Variants in LRRC28 observed in about 807,000 individuals in gnomAD.
LRRC28 encodes leucine-rich repeat-containing protein 28.
In LRRC28, 39 loss-of-function variants were observed where a neutral mutation model predicts 45.7. That is an observed-to-expected ratio of 0.85 (90% CI 0.66 to 1.12). LRRC28 has a LOEUF of 1.12. LRRC28 is among the 50% of genes most tolerant of loss of function. The pLI is 0.00. For missense variants in LRRC28, 435 were observed against 438.5 expected, an observed-to-expected ratio of 0.99 and a Z score of 0.07; for synonymous variants, 206 against 178.8, an observed-to-expected ratio of 1.15 and a Z score of -1.22.
At chr15:99,349,476 A>T (rs560030593) in intron 6 of LRRC28, among the ~76,000 whole-genome samples, 1 of 152,246 alleles carries the variant, frequency 6.6e-6, no homozygotes, top group African/African-American at 2.4e-5. Context: ...GAAACCATGT[A>T]AACACTAGAA....
At chr15:99,251,900 A>G (rs2080812084) in intron 1 of LRRC28, 1 of 152,166 alleles carries the variant, frequency 6.6e-6, no homozygotes, top group African/African-American at 2.4e-5. Context: ...CCTTTTACAA[A>G]TGCTTTTAAT....
intron 9 of LRRC28, among the ~76,000 whole-genome samples, chr15:99,377,655 C>A (rs568168105): frequency 8.7e-4 from 132 of 152,176 alleles, no homozygotes; most frequent in African/African-American, 3.0e-3. Context: ...AGGTTTTCTT[C>A]TAGGGTTTTT....
intron 5 of LRRC28, among the ~76,000 whole-genome samples, chr15:99,316,602 G>C (rs1052254384): frequency 6.6e-6 from 1 of 152,034 alleles, no homozygotes; most frequent in Non-Finnish European, 1.5e-5. Context: ...ATGTGCCATA[G>C]GGGGCTGAAG....
chr15:99,284,425 TA>T (rs2081900204), intron 3 of LRRC28, among the ~76,000 whole-genome samples: 1 of 152,222 alleles, frequency 6.6e-6, no homozygotes, highest in Non-Finnish European at 1.5e-5. Context: ...ACTAAAATAA[TA>T]CAGTTATTCA....
intron 4 of LRRC28, 23 bp from the exon 5 acceptor site, chr15:99,287,791 G>C (rs2081997574): frequency 1.3e-6 from 2 of 1,578,960 alleles, no homozygotes; most frequent in Non-Finnish European, 8.6e-7. Flanking sequence ...AATTCATTTT[G>C]CCTTCTCCTT....
chr15:99,325,956 AGAC>A (rs1955960512), intron 5 of LRRC28, among the ~76,000 whole-genome samples: 1 of 152,196 alleles, frequency 6.6e-6, no homozygotes, highest in Non-Finnish European at 1.5e-5. Flanking sequence ...GAATAGAAGA[AGAC>A]GACCAATGGG....
intron 3 of LRRC28, among the ~76,000 whole-genome samples, chr15:99,281,861 C>T (rs1020644750): frequency 1.3e-5 from 2 of 151,902 alleles, no homozygotes; most frequent in African/African-American, 4.8e-5. Flanking sequence ...ATTTGGCATA[C>T]TTGCTCAGAA....
intron 6 of LRRC28, among the ~76,000 whole-genome samples, chr15:99,350,321 TC>T (rs1956838850): frequency 6.6e-6 from 1 of 152,098 alleles, no homozygotes; most frequent in South Asian, 2.1e-4. Context: ...AAATTGTGGT[TC>T]CTTTTTGTAA....
chr15:99,378,763 T>C (rs900326937), intron 9 of LRRC28, among the ~76,000 whole-genome samples: 3 of 152,232 alleles, frequency 2.0e-5, no homozygotes, highest in African/African-American at 7.2e-5. Context: ...CTGTTGACTT[T>C]TGTTGAAGGC....
chr15:99,256,696 G>T (rs764808998), intron 2 of LRRC28, among the ~76,000 whole-genome samples: 2 of 152,132 alleles, frequency 1.3e-5, no homozygotes, highest in Non-Finnish European at 2.9e-5. Flanking sequence ...AAAAAATTTT[G>T]CCACAAAGGC....
At chr15:99,382,026 C>T (rs541598516) in intron 9 of LRRC28, among the ~76,000 whole-genome samples, 14 of 152,348 alleles carry the variant, frequency 9.2e-5, no homozygotes, top group East Asian at 3.9e-4. Context: ...TCTCAAACTC[C>T]GTGCTGGGAG....
intron 5 of LRRC28, among the ~76,000 whole-genome samples, chr15:99,293,322 G>A (rs543199054): frequency 7.2e-5 from 11 of 151,918 alleles, no homozygotes; most frequent in South Asian, 4.2e-4. Context: ...GGTTGGGTGC[G>A]GTGGCTCATG....
chr15:99,288,465 T>C (rs1291999491), intron 5 of LRRC28, among the ~76,000 whole-genome samples: 1 of 145,018 alleles, frequency 6.9e-6, no homozygotes. Context: ...CACTGTAATC[T>C]CTGCCTCCCA....
At chr15:99,303,123 T>G (rs1389715402) in intron 5 of LRRC28, among the ~76,000 whole-genome samples, 1 of 152,216 alleles carries the variant, frequency 6.6e-6, no homozygotes, top group Admixed American at 6.5e-5. Flanking sequence ...GTATGAGGGT[T>G]CCAGTTCCTC....
intron 6 of LRRC28, among the ~76,000 whole-genome samples, chr15:99,339,764 G>A (rs1312564105): frequency 6.6e-6 from 1 of 151,816 alleles, no homozygotes; most frequent in South Asian, 2.1e-4. Context: ...TTTAGCACAG[G>A]ACATTGAGAT....
intron 9 of LRRC28, among the ~76,000 whole-genome samples, chr15:99,382,757 GA>G (rs971783290): frequency 6.8e-5 from 8 of 117,344 alleles, no homozygotes; most frequent in African/African-American, 2.3e-4. Flanking sequence ...ATGGGCATTT[GA>G]AAAAAACAAC....
chr15:99,292,245 G>A (rs909647581), intron 5 of LRRC28, among the ~76,000 whole-genome samples: 2 of 152,162 alleles, frequency 1.3e-5, no homozygotes, highest in Non-Finnish European at 2.9e-5. Flanking sequence ...AGTGTACATT[G>A]AGGAGATTAT....
intron 9 of LRRC28, among the ~76,000 whole-genome samples, chr15:99,385,288 C>T (rs1401410190): frequency 6.6e-6 from 1 of 152,210 alleles, no homozygotes; most frequent in Non-Finnish European, 1.5e-5. Flanking sequence ...CTTCCTGGGC[C>T]ACAGGGAAAG....
chr15:99,327,390 G>A (rs1269591374), intron 5 of LRRC28, among the ~76,000 whole-genome samples: 1 of 152,116 alleles, frequency 6.6e-6, no homozygotes, highest in Non-Finnish European at 1.5e-5. Flanking sequence ...TTTTTAACTT[G>A]TGATACATCT....
Sources: gnomAD v4.1 joint callset for allele counts (sites outside exome capture counted in the v4.1 genomes callset) on GRCh38, gnomAD v4.1.1 for gene constraint, MANE v1.5 for transcripts, NCBI Gene and HGNC (gene_info 2026-07-23, HGNC 2026-07-21) for gene names.